The following CALN1 variants were observed in gnomAD, a reference collection of about 807,000 sequenced individuals.
The protein encoded by CALN1 is calneuron 1, also known as calcium-binding protein 8.
CALN1 carries 17 observed loss-of-function variants against 30.6 expected under a neutral mutation model. That is an observed-to-expected ratio of 0.56 (90% CI 0.38 to 0.83). The LOEUF is 0.83. Among genes scored for constraint, CALN1 ranks in the 40% least tolerant of loss-of-function variants. The pLI is 0.00. For missense variants in CALN1, 291 were observed against 354.9 expected, an observed-to-expected ratio of 0.82 and a Z score of 1.45; for synonymous variants, 156 against 131.4, an observed-to-expected ratio of 1.19 and a Z score of -1.28.
chr7:72,125,799 C>CT (rs61475416), intron 3 of CALN1, among the ~76,000 whole-genome samples: 9,173 of 114,482 alleles, frequency 0.08, 710 homozygotes, highest in African/African-American at 0.16. Flanking sequence ...CTGTATCATT[C>CT]TTTTTTTTTT....
intron 5 of CALN1, among the ~76,000 whole-genome samples, chr7:71,872,985 C>T (rs1792028083): frequency 6.7e-6 from 1 of 148,540 alleles, no homozygotes; most frequent in Non-Finnish European, 1.5e-5. Context: ...TAGTTAAACA[C>T]ACAAAGTTTG....
intron 5 of CALN1, among the ~76,000 whole-genome samples, chr7:71,938,981 T>C (rs1408253094): frequency 4.6e-5 from 7 of 151,870 alleles, no homozygotes; most frequent in South Asian, 4.2e-4. Flanking sequence ...ATCAGGATGA[T>C]TGAATGATTG....
intron 5 of CALN1, among the ~76,000 whole-genome samples, chr7:71,919,365 T>C (rs986144845): frequency 2.0e-5 from 3 of 152,216 alleles, no homozygotes; most frequent in African/African-American, 7.2e-5. Context: ...AACCCACATA[T>C]TCCCAAAGCA....
chr7:72,048,374 T>C (rs968970322), intron 4 of CALN1, among the ~76,000 whole-genome samples: 9 of 152,032 alleles, frequency 5.9e-5, no homozygotes, highest in Non-Finnish European at 1.3e-4. Context: ...CAATTTGTTT[T>C]TTGGGTATGC....
At chr7:71,823,448 G>A (rs1345756401) in intron 5 of CALN1, among the ~76,000 whole-genome samples, 2 of 152,194 alleles carry the variant, frequency 1.3e-5, no homozygotes, top group Non-Finnish European at 2.9e-5. Flanking sequence ...GGCCGGGAGC[G>A]GTGGCTCACG....
rs1433235048 is a variant in CALN1, at chr7:72,345,324, G to GGAAA, written c.119+57923_119+57926dup. Among the ~76,000 whole-genome samples the GGAAA allele has an allele frequency of 2.3e-5, 3 of 129,338 alleles. No homozygotes were observed. In the Admixed American group the frequency reaches 2.6e-4, roughly 11 times the overall value. 84.9% of individuals were successfully genotyped at this position (129,338 alleles called of 152,430 possible). ...TTTAAAAAAAAAAATAGCAAGAGAA[G>GGAAA]GAAAGAAAGAAGAAAGTGGAAGGAA... On this transcript the variant is annotated intron_variant, in intron 2 of 6. Transcript: ENST00000395275.
chr7:72,256,693 A>C (rs1795937645), intron 3 of CALN1, among the ~76,000 whole-genome samples: 1 of 151,910 alleles, frequency 6.6e-6, no homozygotes, highest in South Asian at 2.1e-4. Flanking sequence ...TGCAGCCTCA[A>C]ACTCCTGGGC....
At chr7:72,240,134 T>C (rs1794733925) in intron 3 of CALN1, among the ~76,000 whole-genome samples, 1 of 152,052 alleles carries the variant, frequency 6.6e-6, no homozygotes, top group South Asian at 2.1e-4. Flanking sequence ...GGGGGCTACT[T>C]TGGGAAGTCT....
chr7:71,919,350 C>A (rs1794825338), intron 5 of CALN1, among the ~76,000 whole-genome samples: 1 of 152,234 alleles, frequency 6.6e-6, no homozygotes, highest in South Asian at 2.1e-4. Context: ...TATTTAAACT[C>A]ATTTAACCCA....
chr7:72,388,158 G>T (rs1249647756), intron 2 of CALN1, among the ~76,000 whole-genome samples: 2 of 152,096 alleles, frequency 1.3e-5, no homozygotes, highest in African/African-American at 2.4e-5. Flanking sequence ...TTGAAGTGAT[G>T]AATATGCTAA....
chr7:72,058,498 T>C (rs1803428388), intron 4 of CALN1, among the ~76,000 whole-genome samples: 1 of 151,774 alleles, frequency 6.6e-6, no homozygotes, highest in Non-Finnish European at 1.5e-5. Flanking sequence ...TTTGTATTTT[T>C]AGTAGAGATG....
At chr7:72,027,296 G>C (rs1314753260) in intron 4 of CALN1, among the ~76,000 whole-genome samples, 5 of 152,156 alleles carry the variant, frequency 3.3e-5, no homozygotes, top group Non-Finnish European at 7.3e-5. Flanking sequence ...CTTTTGCCCA[G>C]GTACTCCCTC....
chr7:72,386,829 T>C (rs561029886), intron 2 of CALN1, among the ~76,000 whole-genome samples: 1 of 152,110 alleles, frequency 6.6e-6, no homozygotes, highest in Non-Finnish European at 1.5e-5. Flanking sequence ...TAAGGGGTCT[T>C]GTCACCTTGC....
chr7:72,126,596 C>T (rs561872393), intron 3 of CALN1, among the ~76,000 whole-genome samples: 1 of 151,618 alleles, frequency 6.6e-6, no homozygotes, highest in South Asian at 2.1e-4. Context: ...TAGTCTTTTA[C>T]CCCTCACCCC....
intron 5 of CALN1, among the ~76,000 whole-genome samples, chr7:71,859,916 T>C (rs1301139799): frequency 2.0e-5 from 3 of 152,134 alleles, no homozygotes; most frequent in South Asian, 2.1e-4. Flanking sequence ...AGGGAACAGA[T>C]TGATAACATT....
chr7:72,395,311 T>G (rs920044704), intron 2 of CALN1, among the ~76,000 whole-genome samples: 1 of 151,528 alleles, frequency 6.6e-6, no homozygotes, highest in Non-Finnish European at 1.5e-5. Flanking sequence ...TAATAGGTGG[T>G]TTCCAGGCTT....
chr7:72,230,500 C>T (rs1395489416), intron 3 of CALN1, among the ~76,000 whole-genome samples: 1 of 150,438 alleles, frequency 6.6e-6, no homozygotes, highest in Non-Finnish European at 1.5e-5. Flanking sequence ...AGAGTGAGGC[C>T]CTGTCTTGAG....
intron 5 of CALN1, among the ~76,000 whole-genome samples, chr7:71,986,065 T>C (rs901660624): frequency 2.6e-5 from 4 of 151,996 alleles, no homozygotes; most frequent in Non-Finnish European, 5.9e-5. Flanking sequence ...TCTTTTTTTT[T>C]TGAGACAGAG....
At chr7:72,063,192 A>C (rs1340768960) in intron 4 of CALN1, among the ~76,000 whole-genome samples, 1 of 152,218 alleles carries the variant, frequency 6.6e-6, no homozygotes, top group African/African-American at 2.4e-5. Flanking sequence ...ATGAATTTAC[A>C]CGTGTTAAAA....
Sources: gnomAD v4.1 joint callset for allele counts (sites outside exome capture counted in the v4.1 genomes callset) on GRCh38, gnomAD v4.1.1 for gene constraint, MANE v1.5 for transcripts, NCBI Gene and HGNC (gene_info 2026-07-23, HGNC 2026-07-21) for gene names.